UBR1: variants seen among roughly 807,000 people sequenced by gnomAD.
The protein encoded by UBR1 is ubiquitin protein ligase E3 component n-recognin 1.
Under a neutral mutation model 242.1 loss-of-function variants are expected in UBR1, and 102 were observed. The observed-to-expected ratio is 0.42, with a 90% confidence interval of 0.36 to 0.50. The LOEUF is 0.50. UBR1 is among the 20% of genes least tolerant of loss of function. The pLI, the probability that UBR1 is intolerant of heterozygous loss-of-function variation, is 0.01. For missense variants in UBR1, 1,772 were observed against 2,101.8 expected (o/e 0.84, Z 3.07); for synonymous variants, 675 against 684.8 (o/e 0.99, Z 0.22).
In UBR1 at chr15:43,022,707, G is replaced by A. The variant is rs1283304268; in HGVS notation, c.2834C>T (p.Ala945Val). The A allele has an allele frequency of 1.2e-6, 2 of 1,606,084 alleles. No homozygotes were observed. Among genetic ancestry groups the A allele is most frequent in the Non-Finnish European group, 1.7e-6 (2 of 1,173,838 alleles). ...AGAGTGATACTCAAACATACTTGAA[G>A]CCTTATGATAAAAGTCAAATGTTAC... is the stretch of plus-strand genomic sequence containing the variant. ...EEVTFDFYHK[A>V]SRLGSSAMNI... Residue 945 changes from alanine to valine, a missense_variant, in exon 26 of 47, where the codon GCT becomes GTT. Around this residue, in one of 3 missense-constraint regions of UBR1, gnomAD observed 965 missense variants for 1,079.7 expected, o/e 0.89. Coordinates refer to ENST00000290650, the MANE Select transcript of UBR1 (RefSeq NM_174916.3).
At chr15:42,992,535 A>G (rs868719848) in intron 33 of UBR1, among the ~76,000 whole-genome samples, 2 of 152,232 alleles carry the variant, frequency 1.3e-5, no homozygotes, top group South Asian at 4.1e-4. Flanking sequence ...TGCCCAGCAC[A>G]TGTACTCCTC....
intron 17 of UBR1, among the ~76,000 whole-genome samples, 187 bp from the exon 18 acceptor site, chr15:43,036,780 T>C (rs1024633851): frequency 1.3e-5 from 2 of 152,204 alleles, no homozygotes; most frequent in African/African-American, 4.8e-5. Context: ...AAATATGGCA[T>C]GAAATCACTT....
chr15:43,033,640 C>T lies in UBR1; in HGVS notation c.2191-1009G>A, dbSNP rs946290518. 4.6e-5 allele frequency among the ~76,000 whole-genome samples: 7 copies of T among 152,006 alleles called. 1 individual carries two copies. The highest frequency in any genetic ancestry group is 1.9e-4 in the East Asian group (1 of 5,158). On this transcript the variant is annotated intron_variant, in intron 19 of 46. Coordinates refer to ENST00000290650, the MANE Select transcript of UBR1 (RefSeq NM_174916.3). ...CTGCACTCCAGCCTGGGCGACAGAGCGAGACTTCGTCTCAAAAAGGAAAAA... is the reference window on the plus strand; with the variant it reads ...CTGCACTCCAGCCTGGGCGACAGAGTGAGACTTCGTCTCAAAAAGGAAAAA...
At chr15:42,995,630 T>C (rs2032626455) in intron 33 of UBR1, among the ~76,000 whole-genome samples, 1 of 151,890 alleles carries the variant, frequency 6.6e-6, no homozygotes, top group Non-Finnish European at 1.5e-5. Context: ...ATCACGCCAC[T>C]GCACTCCAGC....
At chr15:42,977,771 G>T (rs1399618530) in intron 38 of UBR1, 109 bp downstream of exon 38, 43 of 945,114 alleles carry the variant, frequency 4.5e-5, no homozygotes, top group East Asian at 5.6e-5. Context: ...AAACTTTATA[G>T]ATTAAACACA....
At chr15:43,047,352 C>A in intron 13 of UBR1, 63 bp from the exon 14 acceptor site, 1 of 1,610,268 alleles carries the variant, frequency 6.2e-7, no homozygotes, top group Non-Finnish European at 8.5e-7. Flanking sequence ...CTGCTCTTGG[C>A]AAAATATAAA....
intron 29 of UBR1, among the ~76,000 whole-genome samples, chr15:43,008,844 T>G (rs1279344564): frequency 6.6e-6 from 1 of 152,186 alleles, no homozygotes; most frequent in Non-Finnish European, 1.5e-5. Flanking sequence ...ATGACCTGCC[T>G]GTGGAAAGGA....
chr15:43,084,032 C>A (rs561583350), intron 2 of UBR1, among the ~76,000 whole-genome samples: 1 of 151,908 alleles, frequency 6.6e-6, no homozygotes, highest in Non-Finnish European at 1.5e-5. Context: ...GCAATAAGAG[C>A]GAAACTCTGT....
In UBR1 at chr15:42,966,146, T is replaced by C. The variant is rs772210741; in HGVS notation, c.4591+7A>G. 1.7e-5 allele frequency: 28 copies of C among 1,614,042 alleles called. No homozygotes were observed. Among genetic ancestry groups the C allele is most frequent in the Non-Finnish European group, 2.4e-5 (28 of 1,180,030 alleles). ...TTTCCACTCCATGATTTCATTTTTC[T>C]ACTTACTGGTATGCAGTTCCTCAGG... is the stretch of plus-strand genomic sequence containing the variant. On this transcript the variant is annotated splice_region_variant and intron_variant, in intron 41 of 46. Coordinates refer to ENST00000290650, the MANE Select transcript of UBR1 (RefSeq NM_174916.3).
At chr15:42,984,050 C>T in intron 36 of UBR1, 57 bp from the exon 37 acceptor site, 2 of 1,398,302 alleles carry the variant, frequency 1.4e-6, no homozygotes, top group Non-Finnish European at 2.0e-6. Context: ...AGACCTAAGT[C>T]ATCCACTTAA....
chr15:42,963,708 G>T (rs551105504), intron 42 of UBR1, among the ~76,000 whole-genome samples: 1 of 127,664 alleles, frequency 7.8e-6, no homozygotes, highest in East Asian at 2.3e-4. Context: ...CCAGCTGTGG[G>T]GAAAGTAAAT....
chr15:43,024,370 G>A (rs1222276849), intron 25 of UBR1, among the ~76,000 whole-genome samples: 1 of 152,112 alleles, frequency 6.6e-6, no homozygotes, highest in Non-Finnish European at 1.5e-5. Flanking sequence ...AAAAGTAGCT[G>A]CTTTCACTTT....
chr15:43,075,894 C>T (rs145443275), intron 3 of UBR1, among the ~76,000 whole-genome samples: 1,697 of 151,958 alleles, frequency 0.011, 35 homozygotes, highest in African/African-American at 0.039. Context: ...GGATTATAGG[C>T]ATAAGCCACC....
At chr15:42,980,973 T>C (rs1288244325) in intron 37 of UBR1, among the ~76,000 whole-genome samples, 1 of 152,172 alleles carries the variant, frequency 6.6e-6, no homozygotes, top group Admixed American at 6.5e-5. Flanking sequence ...ATAGCTCCTA[T>C]TCTGGACTTC....
intron 15 of UBR1, among the ~76,000 whole-genome samples, chr15:43,041,278 T>G (rs2033413991): frequency 6.6e-6 from 1 of 151,648 alleles, no homozygotes; most frequent in African/African-American, 2.4e-5. Context: ...AAAGGATGAG[T>G]TCATGCCCTT....
At chr15:42,976,631 C>A (rs1348349434) in intron 39 of UBR1, 86 bp downstream of exon 39, 3 of 1,492,240 alleles carry the variant, frequency 2.0e-6, no homozygotes, top group African/African-American at 2.8e-5. Context: ...CCTAGAAATA[C>A]ATTATATAAT....
At position 42,952,326 on chromosome 15, in the gene UBR1, C is replaced by T; in HGVS notation, c.4958G>A (p.Cys1653Tyr). 1 of 1,614,168 alleles carries T rather than the reference C, an allele frequency of 6.2e-7. No individual in the cohort carries two copies. The highest frequency in any genetic ancestry group is 8.5e-7 in the Non-Finnish European group (1 of 1,180,038). Reference sequence around the variant, plus strand: ...TCCACAGTGAAGTGCGTGAAAAATGCAAGCTCCAACCTCTTCCCCGTTCAC... The same window carrying T: ...TCCACAGTGAAGTGCGTGAAAAATGTAAGCTCCAACCTCTTCCCCGTTCAC... ...EIVNGEEVGA[C>Y]IFHALHCGAG... The change falls in exon 45 of 47, where the codon TGC becomes TAC. Residue 1653 changes from cysteine to tyrosine, a missense_variant. Cys to Tyr is a radical substitution (Grantham distance 194, BLOSUM62 -2). Coordinates refer to ENST00000290650, the MANE Select transcript of UBR1 (RefSeq NM_174916.3).
chr15:43,071,478 G>A (rs1044434538), intron 4 of UBR1, among the ~76,000 whole-genome samples: 10 of 152,146 alleles, frequency 6.6e-5, no homozygotes, highest in Admixed American at 4.6e-4. Context: ...GTTGTTCAGT[G>A]GGTAAAGAGT....
chr15:43,091,906 C>CAAAAAAAAAAAAAAA, intron 1 of UBR1: 2 of 179,420 alleles, frequency 1.1e-5, no homozygotes, highest in South Asian at 2.9e-5. Context: ...TACACCATCT[C>CAAAAAAAAAAAAAAA]AAAAAAAAAA....
Sources: allele counts gnomAD v4.1 joint callset (sites outside exome capture counted in the v4.1 genomes callset), GRCh38; gene constraint gnomAD v4.1.1; regional missense constraint gnomAD v4.1.1; transcripts MANE v1.5; gene names NCBI Gene and HGNC (gene_info 2026-07-23, HGNC 2026-07-21).